Variants in TSTD1 observed in about 807,000 individuals in gnomAD.
The protein encoded by TSTD1 is thiosulfate:glutathione sulfurtransferase.
Under a neutral mutation model 12.6 loss-of-function variants are expected in TSTD1, and 7 were observed. That is an observed-to-expected ratio of 0.55 (90% CI 0.32 to 1.04). The LOEUF (loss-of-function observed/expected upper bound fraction) is 1.04, where lower values mean the gene tolerates loss of function less well. Among genes scored for constraint, TSTD1 ranks in the 50% least tolerant of loss-of-function variants. The probability of loss-of-function intolerance (pLI) is 0.05; values close to 1 mark genes in which losing one functional copy is unlikely to be tolerated. For missense variants in TSTD1, 156 were observed against 151.0 expected (o/e 1.03, Z -0.17); for synonymous variants, 73 against 59.7 (o/e 1.22, Z -1.03).
intron 2 of TSTD1, 158 bp from the exon 3 acceptor site, chr1:161,038,233 T>C: frequency 2.6e-6 from 2 of 782,646 alleles, no homozygotes; most frequent in South Asian, 3.8e-5. Context: ...CGACAACTTT[T>C]GAATGCAAGC....
rs1043123537 is a variant in TSTD1, at chr1:161,037,951, G to A, written c.258C>T (p.Leu86=). 6.4e-7 allele frequency: 1 copy of A among 1,551,714 alleles called. No individual in the cohort carries two copies. Among genetic ancestry groups the A allele is most frequent in the African/African-American group, 1.4e-5 (1 of 73,068 alleles). Reference sequence around the variant, plus strand: ...GACTCCGGGCCAGCTGCGTGGCCTGGAGGCCCCGCTTGCCCATCTGACAGA... The same window carrying A: ...GACTCCGGGCCAGCTGCGTGGCCTGAAGGCCCCGCTTGCCCATCTGACAGA... The part of the protein sequence containing the change: ...VFFCQMGKRG[L]QATQLARSLG... The change falls in exon 3 of 4, where the codon CTC becomes CTT. Residue 86 remains leucine (L), a synonymous_variant. Coordinates refer to ENST00000423014, the MANE Select transcript of TSTD1 (RefSeq NM_001113207.2).
intron 1 of TSTD1, 78 bp from the exon 2 acceptor site, chr1:161,038,751 G>A: frequency 6.6e-7 from 1 of 1,520,290 alleles, no homozygotes; most frequent in Admixed American, 2.0e-5. Context: ...TCACCTGGCA[G>A]CGCCCCTCCC....
In TSTD1 at chr1:161,038,592, T is replaced by C; in HGVS notation, c.92A>G (p.Glu31Gly). Residue 31 changes from glutamate to glycine, a missense_variant, in exon 2 of 4, where the codon GAG becomes GGG. Coordinates refer to ENST00000423014, the MANE Select transcript of TSTD1 (RefSeq NM_001113207.2). ...ARLFDVRSRE[E>G]AAAGTIPGAL... ...CCCTGGGATGGTCCCAGCTGCCGCCTCCTCGCGAGAGCGCACGTCGAAGAG... is the reference window on the plus strand; with the variant it reads ...CCCTGGGATGGTCCCAGCTGCCGCCCCCTCGCGAGAGCGCACGTCGAAGAG... 1.3e-6 allele frequency: 2 copies of C among 1,549,960 alleles called. No individual in the cohort carries two copies. Among genetic ancestry groups the C allele is most frequent in the Non-Finnish European group, 1.7e-6 (2 of 1,145,724 alleles).
In TSTD1 at chr1:161,037,738, G is replaced by A. The variant is rs1344321009; in HGVS notation, c.*37C>T. ...CACCCTTAGTTAAGGTGGCCATTAA[G>A]GGGCCAGGGGGTGGCAATCAGTAAG... On this transcript the variant is annotated 3_prime_UTR_variant, in exon 4 of 4. Coordinates refer to ENST00000423014, the MANE Select transcript of TSTD1 (RefSeq NM_001113207.2). The A allele has an allele frequency of 1.9e-6, 3 of 1,551,062 alleles. No homozygotes were observed. In the Admixed American group the frequency reaches 5.9e-5, roughly 30 times the overall value.
At position 161,037,802 on chromosome 1, in the gene TSTD1, A is replaced by G; in HGVS notation, c.321T>C (p.Tyr107=). 1 of 1,551,704 alleles carries G rather than the reference A, an allele frequency of 6.4e-7. No individual in the cohort carries two copies. The highest frequency in any genetic ancestry group is 8.7e-7 in the Non-Finnish European group (1 of 1,146,984). The change falls in exon 4 of 4, where the codon TAT becomes TAC. Residue 107 remains tyrosine (Y), a synonymous_variant. Transcript: ENST00000423014. ...AACTCTCTTTCTCCAACCATTCTCT[A>G]TAGGCTCCAGCGTAGTTGCGAGCCC... ...YTGARNYAGA[Y]REWLEKES
In TSTD1 at chr1:161,038,681, A is replaced by G; in HGVS notation, c.11-8T>C. ...GAAGCGAGACCGTGGGCGCTGAGGA[A>G]GGGGCGCGACAGCCTTCAGGAAGAG... On this transcript the variant is annotated splice_region_variant and splice_polypyrimidine_tract_variant and intron_variant, in intron 1 of 3. Transcript: ENST00000423014. 2 of 1,542,622 alleles carry G rather than the reference A, an allele frequency of 1.3e-6. No homozygotes were observed. The highest frequency in any genetic ancestry group is 2.7e-5 in the African/African-American group (2 of 72,982).
At position 161,038,605 on chromosome 1, in the gene TSTD1, G is replaced by A. The variant is rs772078333; in HGVS notation, c.79C>T (p.Arg27Cys). The A allele has an allele frequency of 4.5e-6, 7 of 1,550,356 alleles. No homozygotes were observed. In the South Asian group the frequency reaches 8.3e-5, roughly 18 times the overall value. ...CCAGCTGCCGCCTCCTCGCGAGAGC[G>A]CACGTCGAAGAGCCGGGCCCGTCCG... Reference protein sequence around the residue: ...ASGRARLFDVRSREEAAAGTI... With the variant: ...ASGRARLFDVCSREEAAAGTI... The change falls in exon 2 of 4, where the codon CGC becomes TGC. Residue 27 changes from arginine to cysteine, a missense_variant. Transcript: ENST00000423014.
At position 161,038,874 on chromosome 1, in the gene TSTD1, A is replaced by G; in HGVS notation, c.10+6T>C. The G allele has an allele frequency of 6.5e-7, 1 of 1,550,004 alleles. No individual in the cohort carries two copies. ...AACCGCGGCCCCAGGAATCCCCCGC[A>G]GGTACCTCCAGCCATGGTGCGCGTA... On this transcript the variant is annotated splice_donor_region_variant and intron_variant, in intron 1 of 3. Transcript: ENST00000423014.
At position 161,037,634 on chromosome 1, in the gene TSTD1, G is replaced by T; in HGVS notation, c.*141C>A. The T allele has an allele frequency of 1.1e-6, 1 of 920,528 alleles. No individual in the cohort carries two copies. The highest frequency in any genetic ancestry group is 1.6e-6 in the Non-Finnish European group (1 of 607,368). 57.0% of individuals were successfully genotyped at this position (920,528 alleles called of 1,614,324 possible). On this transcript the variant is annotated 3_prime_UTR_variant, in exon 4 of 4. Coordinates refer to ENST00000423014, the MANE Select transcript of TSTD1 (RefSeq NM_001113207.2). Reference sequence around the variant, plus strand: ...ACACATTAAGTGCTTCCAATACTTTGATTAAATGTTCTTTATTTGATGCTT... The same window carrying T: ...ACACATTAAGTGCTTCCAATACTTTTATTAAATGTTCTTTATTTGATGCTT...
At chr1:161,038,204 A>C in intron 2 of TSTD1, 129 bp from the exon 3 acceptor site, 1 of 927,662 alleles carries the variant, frequency 1.1e-6, no homozygotes, top group South Asian at 1.8e-5. Flanking sequence ...CCCCCACCCC[A>C]ATTTCAAGGA....
In TSTD1 at chr1:161,038,035, G is replaced by A. The variant is rs1025748935; in HGVS notation, c.174C>T (p.Ala58=). 5.2e-6 allele frequency: 8 copies of A among 1,551,554 alleles called. No homozygotes were observed. Among genetic ancestry groups the A allele is most frequent in the Non-Finnish European group, 7.0e-6 (8 of 1,147,018 alleles). ...TCTCAGCAGAATATAAAGCCTGGAAGGCAGCTGGCTCCATCTGCAGAGCAC... is the reference window on the plus strand; with the variant it reads ...TCTCAGCAGAATATAAAGCCTGGAAAGCAGCTGGCTCCATCTGCAGAGCAC... ...LESALQMEPA[A]FQALYSAEKP... The change falls in exon 3 of 4, where the codon GCC becomes GCT. Residue 58 remains alanine (A), a synonymous_variant. Transcript: ENST00000423014.
At position 161,038,121 on chromosome 1, in the gene TSTD1, T is replaced by A. The variant is rs1401398933; in HGVS notation, c.134-46A>T. 3 of 1,536,576 alleles carry A rather than the reference T, an allele frequency of 2.0e-6. No homozygotes were observed. The Admixed American group carries it at 6.0e-5, about 31-fold the overall frequency. On this transcript the variant is annotated intron_variant, in intron 2 of 3. Coordinates refer to ENST00000423014, the MANE Select transcript of TSTD1 (RefSeq NM_001113207.2). ...GAAGGGAAAGCCAGCAATTTGGCAC[T>A]CAGGTTCGGAAGCTGGGCCTGGAAG... is the stretch of plus-strand genomic sequence containing the variant.
chr1:161,038,012 TCAG>T lies in TSTD1; in HGVS notation c.194_196del (p.Ala65del), dbSNP rs962784532. 17 of 1,551,574 alleles carry T rather than the reference TCAG, an allele frequency of 1.1e-5. No individual in the cohort carries two copies. Among genetic ancestry groups the T allele is most frequent in the Non-Finnish European group, 1.5e-5 (17 of 1,147,010 alleles). ...ATGCTCATCTTCCAGCTTTGGCTTC[TCAG>T]CAGAATATAAAGCCTGGAAGGCAGC... On this transcript the variant is annotated inframe_deletion, in exon 3 of 4. Transcript: ENST00000423014.
In TSTD1 at chr1:161,037,655, T is replaced by G; in HGVS notation, c.*120A>C. Reference sequence around the variant, plus strand: ...CTTTGATTAAATGTTCTTTATTTGATGCTTTTGTGTGCACAACACTATAAG... The same window carrying G: ...CTTTGATTAAATGTTCTTTATTTGAGGCTTTTGTGTGCACAACACTATAAG... On this transcript the variant is annotated 3_prime_UTR_variant, in exon 4 of 4. Coordinates refer to ENST00000423014, the MANE Select transcript of TSTD1 (RefSeq NM_001113207.2). The G allele has an allele frequency of 2.9e-6, 3 of 1,049,726 alleles. No individual in the cohort carries two copies. The highest frequency in any genetic ancestry group is 4.2e-6 in the Non-Finnish European group (3 of 713,836). The allele number at this position is 1,049,726 out of a possible 1,614,324, so 65.0% of individuals were successfully genotyped here. A position where few individuals can be genotyped will look rare whatever the true frequency, so the allele number is the denominator to read the frequency against.
rs375523786 is a variant in TSTD1, at chr1:161,037,968, T to A, written c.241A>T (p.Met81Leu). The A allele has an allele frequency of 1.4e-4, 211 of 1,551,652 alleles. No homozygotes were observed. Among genetic ancestry groups the A allele is most frequent in the Non-Finnish European group, 1.8e-4 (206 of 1,147,008 alleles). The change falls in exon 3 of 4, where the codon ATG becomes TTG. Residue 81 changes from methionine (M) to leucine (L), a missense_variant. Met to Leu is a conservative substitution (Grantham distance 15). Transcript: ENST00000423014. The part of the protein sequence containing the change: ...EDEHLVFFCQ[M>L]GKRGLQATQL... The stretch of plus-strand genomic sequence containing the variant: ...GTGGCCTGGAGGCCCCGCTTGCCCA[T>A]CTGACAGAAGAAAACGAGATGCTCA...
At chr1:161,038,742 C>T in intron 1 of TSTD1, 69 bp from the exon 2 acceptor site, 1 of 1,522,148 alleles carries the variant, frequency 6.6e-7, no homozygotes, top group Non-Finnish European at 8.9e-7. Flanking sequence ...GGCATCCCCT[C>T]ACCTGGCAGC....
intron 2 of TSTD1, 120 bp downstream of exon 2, chr1:161,038,431 G>A (rs1650321938): frequency 3.2e-6 from 4 of 1,240,512 alleles, no homozygotes; most frequent in Non-Finnish European, 4.4e-6. Flanking sequence ...TGGCTCCCGG[G>A]AATGCAGGAC....
chr1:161,038,491 C>T, intron 2 of TSTD1, 60 bp downstream of exon 2: 1 of 1,469,872 alleles, frequency 6.8e-7, no homozygotes, highest in Non-Finnish European at 9.1e-7. Context: ...GTCCCATTGG[C>T]AAAGAACCTC....
rs774959274 is a variant in TSTD1 at position 161,037,735 on chromosome 1, T to TA, written c.*39dup. On this transcript the variant is annotated 3_prime_UTR_variant, in exon 4 of 4. Transcript: ENST00000423014. ...TCACACCCTTAGTTAAGGTGGCCATTAAGGGGCCAGGGGGTGGCAATCAGT... is the reference window on the plus strand; with the variant it reads ...TCACACCCTTAGTTAAGGTGGCCATTAAAGGGGCCAGGGGGTGGCAATCAGT... The TA allele has an allele frequency of 3.2e-5, 49 of 1,551,096 alleles. No individual in the cohort carries two copies. Among genetic ancestry groups the TA allele is most frequent in the Non-Finnish European group, 3.0e-5 (34 of 1,146,584 alleles).
Sources: allele counts gnomAD v4.1 joint callset, GRCh38; gene constraint gnomAD v4.1.1; transcripts MANE v1.5; gene names NCBI Gene and HGNC (gene_info 2026-07-23, HGNC 2026-07-21).